Variants in SHANK2 observed in about 807,000 individuals in gnomAD.
SHANK2 encodes the protein SH3 and multiple ankyrin repeat domains protein 2.
In SHANK2, 43 loss-of-function variants were observed where a neutral mutation model predicts 133.7. The observed-to-expected ratio is 0.32, with a 90% CI of 0.25 to 0.41. SHANK2 has a LOEUF of 0.41. Among genes scored for constraint, SHANK2 ranks in the 10% least tolerant of loss-of-function variants. The pLI, the probability that SHANK2 is intolerant of heterozygous loss-of-function variation, is 1.00. For synonymous variants in SHANK2, 1,017 were observed against 952.8 expected, an observed-to-expected ratio of 1.07 and a Z score of -1.24; for missense variants, 1,994 against 2,235.8, an observed-to-expected ratio of 0.89 and a Z score of 2.18.
chr11:70,913,987 T>G (rs1180024831), intron 10 of SHANK2, among the ~76,000 whole-genome samples: 2 of 152,210 alleles, frequency 1.3e-5, no homozygotes, highest in Non-Finnish European at 2.9e-5. Flanking sequence ...GCTGTGAGTG[T>G]TTATTGCTTT....
At chr11:70,763,549 A>G (rs377049740) in intron 14 of SHANK2, among the ~76,000 whole-genome samples, 1 of 152,112 alleles carries the variant, frequency 6.6e-6, no homozygotes, top group Admixed American at 6.5e-5. Flanking sequence ...GTGGTCAGTG[A>G]AAGGCCACCT....
intron 2 of SHANK2, among the ~76,000 whole-genome samples, chr11:71,157,916 G>A (rs1952934136): frequency 6.6e-6 from 1 of 152,160 alleles, no homozygotes; most frequent in Non-Finnish European, 1.5e-5. Context: ...CTGGGACACT[G>A]CCCCTGTGTG....
Position 70,801,451 on chromosome 11 carries a change from G to T in SHANK2, c.1664-2895C>A, listed in dbSNP as rs180773390. On this transcript the variant is annotated intron_variant, in intron 13 of 25. Transcript: ENST00000601538. ...ATGGTACCTGCTGGTCCTCTTCAGA[G>T]AATGGGGAGCAAGAGAGGGGTTTGT... 6.0e-4 allele frequency among the ~76,000 whole-genome samples: 91 copies of T among 152,362 alleles called. 1 individual carries two copies. The highest frequency in any genetic ancestry group is 2.2e-3 in the African/African-American group (90 of 41,588).
chr11:70,609,762 T>TA (rs1554993641), intron 17 of SHANK2, among the ~76,000 whole-genome samples: 578 of 2,944 alleles, frequency 0.2, 4 homozygotes, highest in African/African-American at 0.25. Context: ...TGTATATACA[T>TA]GTACTATATT....
intron 11 of SHANK2, among the ~76,000 whole-genome samples, chr11:70,893,642 G>A (rs1212133671): frequency 2.0e-5 from 3 of 152,326 alleles, no homozygotes; most frequent in Admixed American, 2.0e-4. Flanking sequence ...TGACTCAGAT[G>A]AAACAAGAGG....
Position 70,471,689 on chromosome 11 carries a change from C to G in SHANK2, c.*1180G>C, listed in dbSNP as rs1300452989. 2 of 316,562 alleles carry G rather than the reference C, an allele frequency of 6.3e-6. No homozygotes were observed. Among genetic ancestry groups the G allele is most frequent in the Non-Finnish European group, 1.1e-5 (2 of 175,172 alleles). The allele number at this position is 316,562 out of a possible 1,614,324, so 19.6% of individuals were successfully genotyped here. A position where few individuals can be genotyped will look rare whatever the true frequency, so the allele number is the denominator to read the frequency against. ...ACAAGCTGGTGGGATTCCTAGACAC[C>G]CAGAGCGATAGGGGAAAAGCCTCTA... On this transcript the variant is annotated 3_prime_UTR_variant, in exon 26 of 26. Coordinates refer to ENST00000601538, the MANE Select transcript of SHANK2 (RefSeq NM_012309.5). The surrounding 1 kb of genome is among the most constrained non-coding windows in gnomAD (Gnocchi z 4.1).
At chr11:70,656,386 A>C (rs1183077442) in intron 17 of SHANK2, among the ~76,000 whole-genome samples, 1 of 151,832 alleles carries the variant, frequency 6.6e-6, no homozygotes, top group Non-Finnish European at 1.5e-5. Context: ...GCATAGAAAG[A>C]AACACCTGCC....
chr11:70,643,069 T>G (rs2061207493), intron 17 of SHANK2, among the ~76,000 whole-genome samples: 1 of 152,160 alleles, frequency 6.6e-6, no homozygotes, highest in South Asian at 2.1e-4. Context: ...GTACAATTAC[T>G]AGGTATCAGT....
At chr11:70,673,688 C>A (rs1301845307) in intron 15 of SHANK2, among the ~76,000 whole-genome samples, 1 of 152,274 alleles carries the variant, frequency 6.6e-6, no homozygotes, top group African/African-American at 2.4e-5. Flanking sequence ...CCTGCCCAAC[C>A]TGGATGGCAC....
chr11:70,618,763 T>C (rs1554996822), intron 17 of SHANK2, among the ~76,000 whole-genome samples: 1 of 152,180 alleles, frequency 6.6e-6, no homozygotes, highest in Non-Finnish European at 1.5e-5. Flanking sequence ...CATTTGTCAT[T>C]GTGTGGAATA....
chr11:71,126,096 T>C (rs1952179293), intron 3 of SHANK2, among the ~76,000 whole-genome samples: 1 of 151,356 alleles, frequency 6.6e-6, no homozygotes, highest in Non-Finnish European at 1.5e-5. Context: ...CAGGCACCTG[T>C]AGTCCCAGCT....
chr11:71,095,096 T>C (rs1174070618), intron 6 of SHANK2, among the ~76,000 whole-genome samples: 1 of 152,232 alleles, frequency 6.6e-6, no homozygotes, highest in Non-Finnish European at 1.5e-5. Flanking sequence ...CTTTCCTCAT[T>C]CAATGTCACA....
chr11:70,625,933 C>T (rs1039486081), intron 17 of SHANK2, among the ~76,000 whole-genome samples: 10 of 151,744 alleles, frequency 6.6e-5, no homozygotes, highest in East Asian at 3.9e-4. Flanking sequence ...ACCAGGCCAG[C>T]GTGGGACCTG....
intron 17 of SHANK2, among the ~76,000 whole-genome samples, chr11:70,511,732 A>AGAGT (rs2059207169): frequency 6.6e-6 from 1 of 152,254 alleles, no homozygotes; most frequent in African/African-American, 2.4e-5. Context: ...AGACATTTAC[A>AGAGT]GAGTGAGTGA....
At chr11:70,818,266 C>G (rs1948442823) in intron 12 of SHANK2, among the ~76,000 whole-genome samples, 1 of 151,936 alleles carries the variant, frequency 6.6e-6, no homozygotes, top group African/African-American at 2.4e-5. Context: ...GCACACAGAC[C>G]AAAAAAACAC....
chr11:70,710,831 T>C (rs1369328188), intron 14 of SHANK2, among the ~76,000 whole-genome samples: 1 of 152,186 alleles, frequency 6.6e-6, no homozygotes, highest in South Asian at 2.1e-4. Flanking sequence ...TGCCTGACTT[T>C]GGACTCACAG....
At chr11:70,865,474 C>A (rs782633376) in intron 11 of SHANK2, among the ~76,000 whole-genome samples, 1 of 152,150 alleles carries the variant, frequency 6.6e-6, no homozygotes, top group Admixed American at 6.5e-5. Flanking sequence ...TAAGGGCACG[C>A]GGGGGGTGTC....
At chr11:70,665,065 T>G (rs1944654007) in intron 15 of SHANK2, among the ~76,000 whole-genome samples, 1 of 152,174 alleles carries the variant, frequency 6.6e-6, no homozygotes, top group Admixed American at 6.5e-5. Context: ...CCGGACCCCC[T>G]TCCTCCTACA....
chr11:70,604,114 G>C (rs2060541393), intron 17 of SHANK2: 1 of 152,264 alleles, frequency 6.6e-6, no homozygotes, highest in Non-Finnish European at 1.5e-5. Flanking sequence ...GCAGCCTGGA[G>C]GGAGGGACAG....
Sources: gnomAD v4.1 joint callset for allele counts (sites outside exome capture counted in the v4.1 genomes callset) on GRCh38, gnomAD v4.1.1 for gene constraint, Gnocchi (gnomAD v3.1) non-coding constraint, MANE v1.5 for transcripts, NCBI Gene and HGNC (gene_info 2026-07-23, HGNC 2026-07-21) for gene names.